RARB: variants seen among roughly 807,000 people sequenced by gnomAD.
RARB encodes HBV-activated protein.
RARB carries 17 observed loss-of-function variants against 51.9 expected under a neutral mutation model. The ratio of observed to expected loss-of-function variants is 0.33; its 90% CI spans 0.22 to 0.49. The LOEUF (loss-of-function observed/expected upper bound fraction) is 0.49, where lower values mean the gene tolerates loss of function less well. RARB is among the 20% of genes least tolerant of loss of function. RARB has a pLI of 0.99. For missense variants in RARB, 369 were observed against 550.8 expected (o/e 0.67, Z 3.30); for synonymous variants, 215 against 195.4 (o/e 1.10, Z -0.84).
At chr3:24,908,464 A>G (rs1483296688) in intron 2 of RARB, among the ~76,000 whole-genome samples, 1 of 152,134 alleles carries the variant, frequency 6.6e-6, no homozygotes, top group Non-Finnish European at 1.5e-5. Context: ...AACCTTAACA[A>G]TTTGGATCTT....
At chr3:25,576,963 G>A (rs1246911819) in intron 4 of RARB, among the ~76,000 whole-genome samples, 1 of 152,172 alleles carries the variant, frequency 6.6e-6, no homozygotes, top group Non-Finnish European at 1.5e-5. Context: ...AGAGATGTTG[G>A]CCGGCACATA....
At chr3:25,582,145 G>C (rs116158715) in intron 5 of RARB, among the ~76,000 whole-genome samples, 1,916 of 152,270 alleles carry the variant, frequency 0.013, 46 homozygotes, top group African/African-American at 0.042. Context: ...GACCACCAGA[G>C]AGTAACAGAG....
intron 2 of RARB, among the ~76,000 whole-genome samples, chr3:24,905,275 G>C (rs1694834854): frequency 6.6e-6 from 1 of 152,130 alleles, no homozygotes; most frequent in South Asian, 2.1e-4. Flanking sequence ...AGTTTCAAAT[G>C]TGATGACAGT....
At chr3:24,954,054 C>T (rs929314693) in intron 2 of RARB, among the ~76,000 whole-genome samples, 7 of 151,994 alleles carry the variant, frequency 4.6e-5, no homozygotes, top group Non-Finnish European at 8.8e-5. Context: ...CCTTATTTTC[C>T]TGCTTCTCCC....
At chr3:25,086,913 T>G (rs1269601927) in intron 3 of RARB, among the ~76,000 whole-genome samples, 1 of 152,138 alleles carries the variant, frequency 6.6e-6, no homozygotes, top group Non-Finnish European at 1.5e-5. Flanking sequence ...CTTATCAGAC[T>G]TAGAAAGGTG....
At chr3:25,034,612 A>G (rs1330941327) in intron 2 of RARB, among the ~76,000 whole-genome samples, 4 of 152,228 alleles carry the variant, frequency 2.6e-5, no homozygotes, top group African/African-American at 9.6e-5. Flanking sequence ...TTTTAGGTCA[A>G]TTCCAACACA....
chr3:24,839,719 A>AGGG (rs58994202), intron 1 of RARB, among the ~76,000 whole-genome samples: 1 of 41,366 alleles, frequency 2.4e-5, no homozygotes, highest in Non-Finnish European at 5.1e-5. Flanking sequence ...AAAAAAAAAA[A>AGGG]GGGGGGGGGG....
At chr3:25,442,629 T>C (rs1708749589) in intron 1 of RARB, among the ~76,000 whole-genome samples, 1 of 152,214 alleles carries the variant, frequency 6.6e-6, no homozygotes, top group Admixed American at 6.5e-5. Context: ...TATCCCTTTA[T>C]GTAGCAGGTA....
At chr3:25,012,164 A>G (rs1697412998) in intron 2 of RARB, among the ~76,000 whole-genome samples, 2 of 152,130 alleles carry the variant, frequency 1.3e-5, no homozygotes, top group Non-Finnish European at 2.9e-5. Flanking sequence ...TGACCCCACT[A>G]AACATTGAAC....
intron 5 of RARB, among the ~76,000 whole-genome samples, chr3:25,246,280 G>A (rs1258386350): frequency 3.3e-5 from 5 of 151,932 alleles, no homozygotes; most frequent in African/African-American, 9.7e-5. Flanking sequence ...CCTTTAGCAC[G>A]GAGGAGTTTG....
At chr3:25,003,534 G>A (rs1434474806) in intron 2 of RARB, among the ~76,000 whole-genome samples, 1 of 152,032 alleles carries the variant, frequency 6.6e-6, no homozygotes. Flanking sequence ...AATAGTACAT[G>A]TAAATGTTTT....
intron 1 of RARB, among the ~76,000 whole-genome samples, chr3:24,854,768 C>G (rs539613651): frequency 6.6e-6 from 1 of 152,268 alleles, no homozygotes; most frequent in Non-Finnish European, 1.5e-5. Context: ...CTCCCCCACC[C>G]CAGCTGTACC....
intron 2 of RARB, among the ~76,000 whole-genome samples, chr3:24,978,043 C>A (rs183435101): frequency 6.6e-6 from 1 of 151,890 alleles, no homozygotes; most frequent in African/African-American, 2.4e-5. Context: ...GTTTATGTGA[C>A]GGATTACATT....
intron 2 of RARB, among the ~76,000 whole-genome samples, chr3:25,486,277 G>T (rs1696463836): frequency 6.6e-6 from 1 of 152,198 alleles, no homozygotes; most frequent in South Asian, 2.1e-4. Context: ...TCAAATATCA[G>T]TGCTAGAAGG....
chr3:25,074,042 G>A (rs1445202104), intron 3 of RARB, among the ~76,000 whole-genome samples: 1 of 152,136 alleles, frequency 6.6e-6, no homozygotes, highest in Non-Finnish European at 1.5e-5. Context: ...CACCTACTAC[G>A]TGTCAGGCAA....
chr3:25,549,627 A>G (rs1699764777), intron 3 of RARB, among the ~76,000 whole-genome samples: 1 of 152,102 alleles, frequency 6.6e-6, no homozygotes, highest in African/African-American at 2.4e-5. Flanking sequence ...AGTGCTTTTT[A>G]TTCTGAGCAC....
chr3:25,347,682 C>G (rs909191455), intron 5 of RARB, among the ~76,000 whole-genome samples: 2 of 152,110 alleles, frequency 1.3e-5, no homozygotes, highest in African/African-American at 2.4e-5. Context: ...GCAAAGGGCC[C>G]GAAAGCTCAT....
chr3:24,859,949 C>T (rs74324971), intron 2 of RARB, among the ~76,000 whole-genome samples: 3,520 of 151,818 alleles, frequency 0.023, 61 homozygotes, highest in South Asian at 0.045. Context: ...TTTTCCATCT[C>T]AAAGGTTGGG....
At chr3:24,926,700 G>A (rs910020679) in intron 2 of RARB, among the ~76,000 whole-genome samples, 1 of 152,012 alleles carries the variant, frequency 6.6e-6, no homozygotes, top group Admixed American at 6.6e-5. Flanking sequence ...CATCATGATG[G>A]AGATGACACC....
Sources: allele counts gnomAD v4.1 joint callset (sites outside exome capture counted in the v4.1 genomes callset), GRCh38; gene constraint gnomAD v4.1.1; transcripts MANE v1.5; gene names NCBI Gene and HGNC (gene_info 2026-07-23, HGNC 2026-07-21).